Variants in ZDHHC7 observed in about 807,000 individuals in gnomAD.
The protein encoded by ZDHHC7 is palmitoyltransferase ZDHHC7.
ZDHHC7 carries 12 observed loss-of-function variants against 34.1 expected under a neutral mutation model. The observed-to-expected ratio is 0.35, with a 90% CI of 0.23 to 0.57. The LOEUF (loss-of-function observed/expected upper bound fraction) is 0.57. Among genes scored for constraint, ZDHHC7 ranks in the 20% least tolerant of loss-of-function variants. ZDHHC7 has a pLI of 0.84. For missense variants in ZDHHC7, 388 were observed against 402.7 expected (o/e 0.96, Z 0.31); for synonymous variants, 185 against 155.4 (o/e 1.19, Z -1.42).
chr16:84,983,955 G>A (rs2072403779), intron 3 of ZDHHC7, among the ~76,000 whole-genome samples: 1 of 120,150 alleles, frequency 8.3e-6, no homozygotes, highest in Non-Finnish European at 1.6e-5. Context: ...TCACGCCACT[G>A]CACTCCAGCA....
At chr16:84,983,507 G>A (rs539069634) in intron 3 of ZDHHC7, among the ~76,000 whole-genome samples, 1 of 152,268 alleles carries the variant, frequency 6.6e-6, no homozygotes, top group African/African-American at 2.4e-5. Flanking sequence ...CAGGCAGGGG[G>A]GCCCCAGGGC....
chr16:85,023,590 T>A, the ZDHHC7 span, among the ~76,000 whole-genome samples: 1 of 152,158 alleles, frequency 6.6e-6, no homozygotes, highest in Non-Finnish European at 1.5e-5. Flanking sequence ...TGTATAGTTG[T>A]ATTTTGGACT....
chr16:85,019,841 T>C, the ZDHHC7 span, among the ~76,000 whole-genome samples: 2 of 152,216 alleles, frequency 1.3e-5, no homozygotes, highest in African/African-American at 4.8e-5. Context: ...GGTTGAGCAG[T>C]GTGCTCCCGG....
rs950862979 is a variant in ZDHHC7, at chr16:84,979,134, C to A, written c.537+55G>T. On this transcript the variant is annotated intron_variant, in intron 5 of 7. Coordinates refer to ENST00000313732, the MANE Select transcript of ZDHHC7 (RefSeq NM_017740.3). ...AGATTTCTCTGCTCCAGGCAAGAAGCAGTTAAAGAATTTCAAATTCAATGT... is the reference window on the plus strand; with the variant it reads ...AGATTTCTCTGCTCCAGGCAAGAAGAAGTTAAAGAATTTCAAATTCAATGT... 3.3e-6 allele frequency: 5 copies of A among 1,528,164 alleles called. No homozygotes were observed. In the African/African-American group the frequency reaches 4.2e-5, roughly 13 times the overall value. The allele number at this position is 1,528,164 out of a possible 1,614,324, so 94.7% of individuals were successfully genotyped here. A position where few individuals can be genotyped will look rare whatever the true frequency, so the allele number is the denominator to read the frequency against.
intron 1 of ZDHHC7, among the ~76,000 whole-genome samples, chr16:85,008,555 C>T (rs1156351647): frequency 6.6e-6 from 1 of 151,378 alleles, no homozygotes; most frequent in Non-Finnish European, 1.5e-5. Context: ...TGAGGGCAGT[C>T]CTGTGTGGAC....
Position 84,983,386 on chromosome 16 carries a change from T to C in ZDHHC7, c.316-1392A>G, listed in dbSNP as rs144201976. 2.4e-4 allele frequency among the ~76,000 whole-genome samples: 37 copies of C among 152,076 alleles called. No homozygotes were observed. In the East Asian group the frequency reaches 3.1e-3, roughly 13 times the overall value. On this transcript the variant is annotated intron_variant, in intron 3 of 7. Transcript: ENST00000313732. ...GATCTGAACCTCTGCAGGGTGAGGG[T>C]TGACATCCAAATTTTAGAAAGTTCA...
At chr16:84,997,239 T>C (rs1041337468) in intron 1 of ZDHHC7, among the ~76,000 whole-genome samples, 18 of 149,102 alleles carry the variant, frequency 1.2e-4, no homozygotes, top group Admixed American at 1.1e-3. Flanking sequence ...ACAACGAAAA[T>C]ACAACAGTCT....
intron 3 of ZDHHC7, among the ~76,000 whole-genome samples, chr16:84,988,371 G>A (rs917196007): frequency 6.6e-6 from 1 of 152,102 alleles, no homozygotes; most frequent in African/African-American, 2.4e-5. Flanking sequence ...AAACACCACG[G>A]GACTACACAC....
rs1160385189 is a variant in ZDHHC7, at chr16:84,990,461, A to T, written c.158T>A (p.Met53Lys). ...RDGCGMICAV[M>K]TWLLVAYADF... is the part of the protein sequence containing the mutation. ...TGCATAGGCGACCAGAAGCCACGTC[A>T]TGACAGCACAGATCATGCCGCAGCC... Residue 53 changes from methionine (M) to lysine (K), a missense_variant, in exon 3 of 8, where the codon ATG becomes AAG. Transcript: ENST00000313732. 8.1e-6 allele frequency: 13 copies of T among 1,614,086 alleles called. No homozygotes were observed. The highest frequency in any genetic ancestry group is 1.0e-5 in the Non-Finnish European group (12 of 1,180,040).
rs567323827 is a variant in ZDHHC7 at position 84,976,548 on chromosome 16, G to A, written c.751-29C>T. The A allele has an allele frequency of 4.4e-6, 7 of 1,608,784 alleles. No homozygotes were observed. The South Asian group carries it at 7.7e-5, about 18-fold the overall frequency. On this transcript the variant is annotated intron_variant, in intron 7 of 7. Coordinates refer to ENST00000313732, the MANE Select transcript of ZDHHC7 (RefSeq NM_017740.3). ...GAAGCAGAAAGAAAAGCAAGTGGCAGCGGCTCCAGGAAGCTCGGCAGACCC... is the reference window on the plus strand; with the variant it reads ...GAAGCAGAAAGAAAAGCAAGTGGCAACGGCTCCAGGAAGCTCGGCAGACCC...
chr16:84,981,843 T>C, intron 4 of ZDHHC7, 27 bp downstream of exon 4: 1 of 1,613,186 alleles, frequency 6.2e-7, no homozygotes, highest in Non-Finnish European at 8.5e-7. Context: ...GCGGATGCGC[T>C]CGGGTTTAAT....
upstream of ZDHHC7, among the ~76,000 whole-genome samples, chr16:85,013,658 T>G (rs1198581675): frequency 6.6e-6 from 1 of 152,116 alleles, no homozygotes; most frequent in African/African-American, 2.4e-5. Flanking sequence ...GTTAATAAAC[T>G]TCTGTTTTTC....
At chr16:84,994,859 G>C (rs1160950625) in intron 2 of ZDHHC7, among the ~76,000 whole-genome samples, 1 of 152,170 alleles carries the variant, frequency 6.6e-6, no homozygotes, top group East Asian at 1.9e-4. Flanking sequence ...AACGAATATA[G>C]CAAAGTTAGG....
intron 1 of ZDHHC7, among the ~76,000 whole-genome samples, chr16:85,002,645 G>A (rs1324505316): frequency 6.6e-6 from 1 of 151,978 alleles, no homozygotes; most frequent in East Asian, 1.9e-4. Flanking sequence ...GGGATCCTGG[G>A]ACAGAGAAAG....
the ZDHHC7 span, among the ~76,000 whole-genome samples, chr16:85,020,625 G>T: frequency 2.0e-5 from 3 of 152,102 alleles, no homozygotes; most frequent in Non-Finnish European, 4.4e-5. Flanking sequence ...ACAGTAGAAA[G>T]GAGCATGGAT....
chr16:85,013,218 C>G (rs1027817473), upstream of ZDHHC7, among the ~76,000 whole-genome samples: 5 of 152,192 alleles, frequency 3.3e-5, no homozygotes, highest in African/African-American at 1.2e-4. Context: ...CATTTCTCTA[C>G]AAAAGTATTG....
At chr16:84,987,997 G>A (rs564670926) in intron 3 of ZDHHC7, among the ~76,000 whole-genome samples, 75 of 152,148 alleles carry the variant, frequency 4.9e-4, no homozygotes, top group Non-Finnish European at 8.2e-4. Flanking sequence ...GTGAAACCCC[G>A]TCTCTACTAA....
the ZDHHC7 span, among the ~76,000 whole-genome samples, chr16:85,018,319 A>C: frequency 1.3e-5 from 2 of 152,326 alleles, no homozygotes; most frequent in Non-Finnish European, 2.9e-5. Flanking sequence ...AGGGCAAGGC[A>C]GTGATTCTCA....
At chr16:84,977,401 C>G (rs1374877384) in intron 6 of ZDHHC7, 176 bp from the exon 7 acceptor site, 6 of 732,860 alleles carry the variant, frequency 8.2e-6, no homozygotes, top group Non-Finnish European at 1.3e-5. Flanking sequence ...GCCACCCTTC[C>G]AAGCAAAAAT....
Sources: gnomAD v4.1 joint callset for allele counts (sites outside exome capture counted in the v4.1 genomes callset) on GRCh38, gnomAD v4.1.1 for gene constraint, MANE v1.5 for transcripts, NCBI Gene and HGNC (gene_info 2026-07-23, HGNC 2026-07-21) for gene names.